The following C13orf46 variants were observed in gnomAD, a reference collection of about 807,000 sequenced individuals.
The protein encoded by C13orf46 is chromosome 13 open reading frame 46.
chr13:113,932,322 T>C, the C13orf46 span, among the ~76,000 whole-genome samples: 15 of 152,288 alleles, frequency 9.8e-5, no homozygotes, highest in African/African-American at 3.1e-4. Context: ...TTCCCTGTGG[T>C]TCTTGTGTTA....
intron 6 of C13orf46, among the ~76,000 whole-genome samples, chr13:113,958,254 G>A (rs2052558577): frequency 6.6e-6 from 1 of 151,914 alleles, no homozygotes; most frequent in Non-Finnish European, 1.5e-5. Flanking sequence ...AAGTGCACTG[G>A]GGGTCTCCCC....
downstream of C13orf46, among the ~76,000 whole-genome samples, chr13:113,953,395 G>C (rs888839401): frequency 6.6e-6 from 1 of 152,084 alleles, no homozygotes; most frequent in Admixed American, 6.5e-5. Context: ...TCACCTCTCC[G>C]GGGTCCCAGG....
rs1439438173 is a variant in C13orf46, at chr13:113,961,239, AGTTTT to A, written c.572+3683_572+3687del. Among the ~76,000 whole-genome samples the A allele has an allele frequency of 4.6e-5, 7 of 152,270 alleles. No individual in the cohort carries two copies. In the East Asian group the frequency reaches 9.6e-4, roughly 21 times the overall value. Reference sequence around the variant, plus strand: ...GATAAATGATACTAAATCTTCTTTTAGTTTTAATTGTGAGCATGTTATTGATATAA... The same window carrying A: ...GATAAATGATACTAAATCTTCTTTTAAATTGTGAGCATGTTATTGATATAA... On this transcript the variant is annotated intron_variant, in intron 6 of 6. Coordinates refer to ENST00000636427, the MANE Select transcript of C13orf46 (RefSeq NM_001365455.2).
At chr13:113,965,493 T>C (rs1401905441) in intron 5 of C13orf46, among the ~76,000 whole-genome samples, 1 of 152,214 alleles carries the variant, frequency 6.6e-6, no homozygotes, top group Non-Finnish European at 1.5e-5. Context: ...AGACAGGTCA[T>C]TAAGTCAGCC....
chr13:113,966,454 A>G (rs2138989594), intron 5 of C13orf46, among the ~76,000 whole-genome samples: 1 of 150,886 alleles, frequency 6.6e-6, no homozygotes, highest in African/African-American at 2.4e-5. Flanking sequence ...AATGGTGATG[A>G]TGACGGTGGT....
chr13:113,962,696 T>G (rs1458811634), intron 6 of C13orf46, among the ~76,000 whole-genome samples: 1 of 152,126 alleles, frequency 6.6e-6, no homozygotes, highest in Non-Finnish European at 1.5e-5. Context: ...GCAGGTTTTC[T>G]GGGATAGCTG....
chr13:113,955,309 A>AGGAGGAGTAGGATCTGGCGGAGAG lies in C13orf46; in HGVS notation c.*1463_*1464insCTCTCCGCCAGATCCTACTCCTCC, dbSNP rs2052516539. On this transcript the variant is annotated 3_prime_UTR_variant, in exon 7 of 7. Coordinates refer to ENST00000636427, the MANE Select transcript of C13orf46 (RefSeq NM_001365455.2). ...GGCGGAGAGGAGTAGTATCTGGCAG[A>AGGAGGAGTAGGATCTGGCGGAGAG]GAGGAGTAGTATCTGGTGGAGAGGA... The AGGAGGAGTAGGATCTGGCGGAGAG allele has an allele frequency of 9.0e-6, 1 of 111,578 alleles. No homozygotes were observed. The highest frequency in any genetic ancestry group is 1.8e-5 in the Non-Finnish European group (1 of 54,138). The allele number at this position is 111,578 out of a possible 1,614,324, so 6.9% of individuals were successfully genotyped here.
intron 6 of C13orf46, among the ~76,000 whole-genome samples, chr13:113,959,428 C>G (rs1220763409): frequency 6.6e-6 from 1 of 152,092 alleles, no homozygotes; most frequent in Non-Finnish European, 1.5e-5. Context: ...AGCTGTCTGG[C>G]CAGGTTGAGC....
At position 113,955,562 on chromosome 13, in the gene C13orf46, CATCTCGT is replaced by C. The variant is rs2052521029; in HGVS notation, c.*1204_*1210del. The C allele has an allele frequency of 6.7e-6, 1 of 148,154 alleles. No homozygotes were observed. The highest frequency in any genetic ancestry group is 2.8e-5 in the African/African-American group (1 of 36,298). The allele number at this position is 148,154 out of a possible 1,614,324, so 9.2% of individuals were successfully genotyped here. On this transcript the variant is annotated 3_prime_UTR_variant, in exon 7 of 7. Coordinates refer to ENST00000636427, the MANE Select transcript of C13orf46 (RefSeq NM_001365455.2). ...AGGAGCATCTCGTGGAGAGGAGGAGCATCTCGTGGAGAGGAGGAGCATCTCGTGGAGC... is the reference window on the plus strand; with the variant it reads ...AGGAGCATCTCGTGGAGAGGAGGAGCGGAGAGGAGGAGCATCTCGTGGAGC...
chr13:113,936,594 A>G, the C13orf46 span, among the ~76,000 whole-genome samples: 35 of 152,328 alleles, frequency 2.3e-4, no homozygotes, highest in African/African-American at 7.7e-4. Flanking sequence ...AGAGCCGGCT[A>G]AACAGGACAC....
At chr13:113,936,195 A>C in the C13orf46 span, among the ~76,000 whole-genome samples, 1 of 152,196 alleles carries the variant, frequency 6.6e-6, no homozygotes, top group Non-Finnish European at 1.5e-5. Context: ...GTGAGCAAGT[A>C]ACTGCCAGCG....
intron 4 of C13orf46, among the ~76,000 whole-genome samples, chr13:113,968,105 C>T (rs948644911): frequency 5.3e-5 from 8 of 152,320 alleles, no homozygotes; most frequent in African/African-American, 1.7e-4. Context: ...TTCCTTCACA[C>T]GGTGCCACGT....
intron 6 of C13orf46, among the ~76,000 whole-genome samples, chr13:113,963,177 G>A (rs879246069): frequency 2.0e-5 from 3 of 149,198 alleles, no homozygotes; most frequent in African/African-American, 4.9e-5. Flanking sequence ...CAGCCTCCCC[G>A]CTATCCTCAG....
chr13:113,946,258 A>G, the C13orf46 span, among the ~76,000 whole-genome samples: 1 of 152,170 alleles, frequency 6.6e-6, no homozygotes, highest in Non-Finnish European at 1.5e-5. Flanking sequence ...GTGGAGGAAG[A>G]ACTTGATGAA....
chr13:113,950,432 T>G (rs1262054894), downstream of C13orf46, among the ~76,000 whole-genome samples: 1 of 150,874 alleles, frequency 6.6e-6, no homozygotes, highest in Admixed American at 6.6e-5. Flanking sequence ...TGCTCCCATC[T>G]GTAGAGTGGG....
Position 113,955,833 on chromosome 13 carries a change from CGAGGAGCATCTCGAGGAGAG to C in C13orf46, c.*920_*939del, listed in dbSNP as rs1478756131. On this transcript the variant is annotated 3_prime_UTR_variant, in exon 7 of 7. Transcript: ENST00000636427. ...GGAGACGAGGAGCAGCCGGTGGAGA[CGAGGAGCATCTCGAGGAGAG>C]GAGGAGCATCTCGAGGAGAGGAGGA... is the stretch of plus-strand genomic sequence containing the variant. 1.0e-3 allele frequency: 137 copies of C among 130,882 alleles called. 1 individual carries two copies. Among genetic ancestry groups the C allele is most frequent in the Admixed American group, 3.2e-3 (40 of 12,606 alleles). The allele number at this position is 130,882 out of a possible 1,614,324, so 8.1% of individuals were successfully genotyped here. A position where few individuals can be genotyped will look rare whatever the true frequency, so the allele number is the denominator to read the frequency against.
chr13:113,948,288 T>C, the C13orf46 span, among the ~76,000 whole-genome samples: 22 of 152,356 alleles, frequency 1.4e-4, no homozygotes, highest in Non-Finnish European at 2.2e-4. Context: ...CTCCTGGGAC[T>C]GAAGCCCAGT....
chr13:113,961,482 G>GTTTTT (rs1594246310), intron 6 of C13orf46, among the ~76,000 whole-genome samples: 1 of 146,486 alleles, frequency 6.8e-6, no homozygotes, highest in Non-Finnish European at 1.5e-5. Flanking sequence ...AGAAATAACT[G>GTTTTT]TTTTCTTGTT....
intron 6 of C13orf46, among the ~76,000 whole-genome samples, chr13:113,958,087 C>A (rs1314683349): frequency 2.3e-4 from 35 of 150,136 alleles, no homozygotes; most frequent in African/African-American, 6.6e-4. Context: ...TCTGTATGCA[C>A]CCCCTTTCAT....
Sources: allele counts gnomAD v4.1 joint callset (sites outside exome capture counted in the v4.1 genomes callset), GRCh38; gene constraint gnomAD v4.1.1; transcripts MANE v1.5; gene names NCBI Gene and HGNC (gene_info 2026-07-23, HGNC 2026-07-21).